Variants in SFTPD observed in about 807,000 individuals in gnomAD.
SFTPD encodes surfactant protein D, also known as pulmonary surfactant-associated protein D.
A neutral mutation model predicts 34.6 loss-of-function variants in SFTPD; 18 were observed. The observed-to-expected ratio is 0.52, with a 90% CI of 0.36 to 0.77. The LOEUF (loss-of-function observed/expected upper bound fraction) is 0.77. Ranked by LOEUF, SFTPD falls within the 30% of genes least tolerant of loss-of-function variation. The pLI, the probability that SFTPD is intolerant of heterozygous loss-of-function variation, is 0.00. For synonymous variants in SFTPD, 155 were observed against 180.9 expected, an observed-to-expected ratio of 0.86 and a Z score of 1.15; for missense variants, 433 against 468.9, an observed-to-expected ratio of 0.92 and a Z score of 0.71.
At chr10:79,980,191 C>T (rs903713851) in intron 1 of SFTPD, among the ~76,000 whole-genome samples, 5 of 152,134 alleles carry the variant, frequency 3.3e-5, no homozygotes, top group African/African-American at 1.2e-4. Context: ...CAACCCAGCA[C>T]ATTCCCAGCT....
chr10:79,979,341 T>A (rs1272601223), intron 1 of SFTPD, among the ~76,000 whole-genome samples: 2 of 152,174 alleles, frequency 1.3e-5, no homozygotes, highest in Non-Finnish European at 2.9e-5. Context: ...AAAAACACCT[T>A]CATAAGAACC....
At chr10:79,938,258 T>A in intron 7 of SFTPD, 30 bp from the exon 8 acceptor site, 2 of 1,560,850 alleles carry the variant, frequency 1.3e-6, no homozygotes, top group Non-Finnish European at 1.7e-6. Context: ...AGGTTGGGGT[T>A]GTGGCATCAC....
At position 79,938,246 on chromosome 10, in the gene SFTPD, TCAGG is replaced by T. The variant is rs748254016; in HGVS notation, c.752-22_752-19del. The T allele has an allele frequency of 3.0e-6, 4 of 1,319,356 alleles. No individual in the cohort carries two copies. In the South Asian group the frequency reaches 4.8e-5, roughly 16 times the overall value. 81.7% of individuals were successfully genotyped at this position (1,319,356 alleles called of 1,614,324 possible). On this transcript the variant is annotated intron_variant, in intron 7 of 7. Coordinates refer to ENST00000372292, the MANE Select transcript of SFTPD (RefSeq NM_003019.5). ...GAGCTCAACTAGGAGAAGAAGAAAG[TCAGG>T]TTGGGGTTGTGGCATCACCTGGCCA...
intron 1 of SFTPD, among the ~76,000 whole-genome samples, chr10:79,981,180 T>C (rs761435871): frequency 3.3e-5 from 5 of 152,046 alleles, no homozygotes; most frequent in Non-Finnish European, 7.4e-5. Context: ...AAAAATTCAA[T>C]TGACACACTG....
chr10:79,982,282 G>T, intron 1 of SFTPD: 13 of 998,418 alleles, frequency 1.3e-5, no homozygotes, highest in Non-Finnish European at 1.7e-5. Flanking sequence ...GGGCCACCGC[G>T]GGGCGGTTCC....
intron 1 of SFTPD, among the ~76,000 whole-genome samples, chr10:79,954,160 G>A (rs1842726413): frequency 1.4e-5 from 2 of 144,530 alleles, no homozygotes; most frequent in Non-Finnish European, 3.0e-5. Context: ...AGCAGATTGT[G>A]GTTTGGTTTG....
intron 1 of SFTPD, among the ~76,000 whole-genome samples, chr10:79,978,511 G>A (rs1438284530): frequency 6.6e-6 from 1 of 151,938 alleles, no homozygotes; most frequent in Non-Finnish European, 1.5e-5. Context: ...AATTAGCCAG[G>A]TGTGGTGGCA....
intron 6 of SFTPD, among the ~76,000 whole-genome samples, chr10:79,941,167 C>T (rs1842607430): frequency 6.6e-6 from 1 of 152,194 alleles, no homozygotes; most frequent in Non-Finnish European, 1.5e-5. Flanking sequence ...GTAGTTTTCC[C>T]GATAGTCAGA....
upstream of SFTPD, among the ~76,000 whole-genome samples, chr10:79,951,586 A>T (rs933637689): frequency 6.6e-6 from 1 of 152,246 alleles, no homozygotes; most frequent in Admixed American, 6.5e-5. Context: ...GGGGCTGGGA[A>T]TGTGGAAGTC....
chr10:79,961,325 A>T (rs1842771277), intron 1 of SFTPD, among the ~76,000 whole-genome samples: 1 of 152,228 alleles, frequency 6.6e-6, no homozygotes, highest in Admixed American at 6.5e-5. Flanking sequence ...GAGCTTCTGC[A>T]CGGCAAAAGA....
At chr10:79,951,838 C>T (rs146874724), upstream of SFTPD, among the ~76,000 whole-genome samples, 211 of 152,258 alleles carry the variant, frequency 1.4e-3, 2 homozygotes, top group African/African-American at 4.4e-3. Flanking sequence ...GGGCACTAAA[C>T]GACCAAGCTC....
chr10:79,953,895 G>A (rs927759282), upstream of SFTPD, among the ~76,000 whole-genome samples: 4 of 151,382 alleles, frequency 2.6e-5, no homozygotes, highest in Admixed American at 2.6e-4. Context: ...CAAATGACCT[G>A]TCTATGAATT....
intron 1 of SFTPD, among the ~76,000 whole-genome samples, chr10:79,979,550 G>C (rs544625943): frequency 6.6e-6 from 1 of 152,328 alleles, no homozygotes; most frequent in East Asian, 1.9e-4. Flanking sequence ...TGCTGTCACA[G>C]CAGAAAGCAA....
chr10:79,947,266 G>T (rs927602695), intron 1 of SFTPD, among the ~76,000 whole-genome samples: 6 of 152,188 alleles, frequency 3.9e-5, no homozygotes, highest in African/African-American at 1.4e-4. Flanking sequence ...GCCATTCCTC[G>T]AGCAGGTGCT....
At chr10:79,979,193 G>A (rs1444066302) in intron 1 of SFTPD, among the ~76,000 whole-genome samples, 3 of 151,962 alleles carry the variant, frequency 2.0e-5, no homozygotes, top group Non-Finnish European at 2.9e-5. Flanking sequence ...AACCAAGCAG[G>A]TGAATGATCT....
In SFTPD at chr10:79,938,239, A is replaced by G. The variant is rs375550623; in HGVS notation, c.752-11T>C. ...TTGGGAAGAGCTCAACTAGGAGAAG[A>G]AGAAAGTCAGGTTGGGGTTGTGGCA... On this transcript the variant is annotated splice_polypyrimidine_tract_variant and intron_variant, in intron 7 of 7. Transcript: ENST00000372292. The G allele has an allele frequency of 1.1e-5, 18 of 1,577,000 alleles. 1 individual carries two copies. Among genetic ancestry groups the G allele is most frequent in the East Asian group, 4.5e-5 (2 of 44,216 alleles).
intron 7 of SFTPD, 31 bp from the exon 8 acceptor site, chr10:79,938,259 G>T (rs1271404401): frequency 1.9e-6 from 3 of 1,559,842 alleles, no homozygotes; most frequent in Non-Finnish European, 2.6e-6. Flanking sequence ...GGTTGGGGTT[G>T]TGGCATCACC....
intron 1 of SFTPD, among the ~76,000 whole-genome samples, chr10:79,959,960 C>T (rs1842762729): frequency 6.6e-6 from 1 of 152,146 alleles, no homozygotes; most frequent in Non-Finnish European, 1.5e-5. Context: ...ATCAAGTGGG[C>T]TTCATCCCTG....
chr10:79,954,277 A>G (rs1324796580), intron 1 of SFTPD, among the ~76,000 whole-genome samples: 1 of 152,080 alleles, frequency 6.6e-6, no homozygotes, highest in Non-Finnish European at 1.5e-5. Context: ...GTGAGTCTGC[A>G]TTTGTACAAG....
Sources: allele counts gnomAD v4.1 joint callset (sites outside exome capture counted in the v4.1 genomes callset), GRCh38; gene constraint gnomAD v4.1.1; transcripts MANE v1.5; gene names NCBI Gene and HGNC (gene_info 2026-07-23, HGNC 2026-07-21).